Variants in PRKCQ observed in about 807,000 individuals in gnomAD.
The protein encoded by PRKCQ is protein kinase C theta.
Under a neutral mutation model 91.2 loss-of-function variants are expected in PRKCQ, and 41 were observed. The observed-to-expected ratio is 0.45, with a 90% CI of 0.35 to 0.58. The LOEUF is 0.58. PRKCQ is among the 20% of genes least tolerant of loss of function. PRKCQ has a pLI of 0.00. For synonymous variants in PRKCQ, 307 were observed against 316.9 expected (o/e 0.97, Z 0.33); for missense variants, 673 against 896.5 (o/e 0.75, Z 3.18).
intron 1 of PRKCQ, among the ~76,000 whole-genome samples, chr10:6,515,804 C>T (rs1396526163): frequency 6.6e-6 from 1 of 152,112 alleles, no homozygotes; most frequent in South Asian, 2.1e-4. Flanking sequence ...CAAAATACTT[C>T]ATAAAAGCCC....
chr10:6,413,560 A>G, the PRKCQ span, among the ~76,000 whole-genome samples: 1 of 44,814 alleles, frequency 2.2e-5, no homozygotes, highest in African/African-American at 1.0e-4. Context: ...CACACACACT[A>G]GGAAGCACTG....
Position 6,456,678 on chromosome 10 carries a change from G to A in PRKCQ, c.1643C>T (p.Pro548Leu). ...AGCCTGTCACTGCATTCCTACCTCT[G>A]GGGCGATGTAGTCAGGTGTCCCACA... is the stretch of plus-strand genomic sequence containing the variant. ...TFCGTPDYIA[P>L]EILLGQKYNH... The change falls in exon 15 of 18, where the codon CCA (proline) becomes CTA (leucine). Residue 548 changes from proline to leucine, a missense_variant. Transcript: ENST00000263125. 1 of 1,614,044 alleles carries A rather than the reference G, an allele frequency of 6.2e-7. No homozygotes were observed. The highest frequency in any genetic ancestry group is 8.5e-7 in the Non-Finnish European group (1 of 1,179,954).
At chr10:6,405,487 T>C in the PRKCQ span, among the ~76,000 whole-genome samples, 2 of 152,178 alleles carry the variant, frequency 1.3e-5, no homozygotes, top group African/African-American at 2.4e-5. Flanking sequence ...AAATCACCCA[T>C]GACAATAACT....
At chr10:6,564,220 G>A (rs1173650155) in intron 1 of PRKCQ, among the ~76,000 whole-genome samples, 2 of 152,264 alleles carry the variant, frequency 1.3e-5, no homozygotes, top group Non-Finnish European at 1.5e-5. Flanking sequence ...AATCATTTTC[G>A]TTTCAGCAAG....
chr10:6,479,998 C>T (rs1470464405), intron 11 of PRKCQ, among the ~76,000 whole-genome samples: 2 of 151,900 alleles, frequency 1.3e-5, no homozygotes, highest in Non-Finnish European at 2.9e-5. Context: ...TCTGACAACA[C>T]AGCAATGAAT....
chr10:6,521,092 G>A (rs890510454), intron 1 of PRKCQ, among the ~76,000 whole-genome samples: 1 of 152,194 alleles, frequency 6.6e-6, no homozygotes, highest in Non-Finnish European at 1.5e-5. Context: ...CAGCGCCCAT[G>A]CTGCTGTATT....
At chr10:6,518,723 AG>A (rs1323641575) in intron 1 of PRKCQ, among the ~76,000 whole-genome samples, 10 of 152,126 alleles carry the variant, frequency 6.6e-5, no homozygotes, top group African/African-American at 2.4e-4. Flanking sequence ...CTGGAGGCTG[AG>A]GCAGGGGAAT....
At chr10:6,551,829 T>C (rs1840196837) in intron 1 of PRKCQ, among the ~76,000 whole-genome samples, 1 of 152,262 alleles carries the variant, frequency 6.6e-6, no homozygotes, top group Admixed American at 6.5e-5. Flanking sequence ...CCTTCGGTTA[T>C]GTACCCAGTA....
At chr10:6,569,393 A>T (rs1177125803) in intron 1 of PRKCQ, among the ~76,000 whole-genome samples, 1 of 151,770 alleles carries the variant, frequency 6.6e-6, no homozygotes, top group Non-Finnish European at 1.5e-5. Context: ...ACCTCCTAGG[A>T]GCTTAAAGAG....
At chr10:6,550,471 G>A (rs1840139977) in intron 1 of PRKCQ, among the ~76,000 whole-genome samples, 1 of 151,898 alleles carries the variant, frequency 6.6e-6, no homozygotes, top group South Asian at 2.1e-4. Flanking sequence ...ATGGGATTTT[G>A]CCATGTTGGC....
chr10:6,482,867 A>C (rs919131576), intron 11 of PRKCQ, among the ~76,000 whole-genome samples: 1 of 152,128 alleles, frequency 6.6e-6, no homozygotes, highest in Non-Finnish European at 1.5e-5. Flanking sequence ...CTTACTCACT[A>C]TCATGGGAAC....
At chr10:6,421,653 T>G in the PRKCQ span, among the ~76,000 whole-genome samples, 2 of 152,220 alleles carry the variant, frequency 1.3e-5, no homozygotes, top group African/African-American at 4.8e-5. This position sits in a 1 kb window ranked among gnomAD's most constrained non-coding sequence, Gnocchi z 4.1. Context: ...ATTTTGTTCA[T>G]GACTTCATTT....
In PRKCQ at chr10:6,466,919, C is replaced by G. The variant is rs565041773; in HGVS notation, c.1354-2515G>C. Among the ~76,000 whole-genome samples, 35 of 152,256 alleles carry G rather than the reference C, an allele frequency of 2.3e-4. No homozygotes were observed. The South Asian group carries it at 7.0e-3, about 31-fold the overall frequency. On this transcript the variant is annotated intron_variant, in intron 12 of 17. Transcript: ENST00000263125. Reference sequence around the variant, plus strand: ...CCTTACTCAGCCCTGGGTTCAAAGCCCCTCTATTTATAACTCTGGAGACGT... The same window carrying G: ...CCTTACTCAGCCCTGGGTTCAAAGCGCCTCTATTTATAACTCTGGAGACGT...
intron 12 of PRKCQ, among the ~76,000 whole-genome samples, chr10:6,475,069 C>A (rs1836200678): frequency 6.6e-6 from 1 of 152,106 alleles, no homozygotes; most frequent in Non-Finnish European, 1.5e-5. Flanking sequence ...TACGTTAGAC[C>A]CTGAGCCAGT....
intron 4 of PRKCQ, among the ~76,000 whole-genome samples, chr10:6,502,680 G>T (rs1837984356): frequency 6.6e-6 from 1 of 152,222 alleles, no homozygotes; most frequent in Non-Finnish European, 1.5e-5. Flanking sequence ...TAGTAATGAT[G>T]TAATTAGATG....
chr10:6,472,091 A>G (rs548136653), intron 12 of PRKCQ, among the ~76,000 whole-genome samples: 148 of 152,198 alleles, frequency 9.7e-4, no homozygotes, highest in Admixed American at 8.5e-4. Flanking sequence ...GGTGTATCAC[A>G]AGGTCAGGAG....
intron 1 of PRKCQ, among the ~76,000 whole-genome samples, chr10:6,527,989 G>C (rs1216365402): frequency 6.6e-6 from 1 of 152,166 alleles, no homozygotes; most frequent in Non-Finnish European, 1.5e-5. Context: ...CTGACTCTGA[G>C]GCAGGTGCAT....
intron 1 of PRKCQ, among the ~76,000 whole-genome samples, chr10:6,520,124 C>A (rs1052312425): frequency 6.6e-6 from 1 of 152,210 alleles, no homozygotes; most frequent in African/African-American, 2.4e-5. Context: ...CCATAGACCC[C>A]TTGTCTGAGC....
At chr10:6,494,709 T>C (rs1275074443) in intron 7 of PRKCQ, among the ~76,000 whole-genome samples, 1 of 152,180 alleles carries the variant, frequency 6.6e-6, no homozygotes, top group East Asian at 1.9e-4. Context: ...AACATCTCAT[T>C]TTAGATTCCT....
Sources: gnomAD v4.1 joint callset for allele counts (sites outside exome capture counted in the v4.1 genomes callset) on GRCh38, gnomAD v4.1.1 for gene constraint, Gnocchi (gnomAD v3.1) non-coding constraint, MANE v1.5 for transcripts, NCBI Gene and HGNC (gene_info 2026-07-23, HGNC 2026-07-21) for gene names.